The following DNAH7 variants were observed in gnomAD, a reference collection of about 807,000 sequenced individuals.
The protein encoded by DNAH7 is axonemal beta dynein heavy chain 7.
DNAH7 carries 397 observed loss-of-function variants against 444.6 expected under a neutral mutation model. The observed-to-expected ratio is 0.89, with a 90% CI of 0.82 to 0.97. DNAH7 has a LOEUF of 0.97. DNAH7 is among the 50% of genes least tolerant of loss of function. The pLI is 0.00. For missense variants in DNAH7, 4,902 were observed against 4,800.8 expected (o/e 1.02, Z -0.62); for synonymous variants, 1,636 against 1,624.4 (o/e 1.01, Z -0.17).
Position 195,873,667 on chromosome 2 carries a change from C to T in DNAH7, c.6314G>A (p.Arg2105Gln), listed in dbSNP as rs267599139. 8.5e-6 allele frequency: 13 copies of T among 1,530,426 alleles called. No homozygotes were observed. The highest frequency in any genetic ancestry group is 1.0e-5 in the Non-Finnish European group (12 of 1,146,248). 94.8% of individuals were successfully genotyped at this position (1,530,426 alleles called of 1,614,324 possible). ...TATAATATTGAAATGTCGCATGTAT[C>T]GAGGAGTTACTGGATTTCGACCACC... ...PGGGRNPVTP[R>Q]YMRHFNIITI... Residue 2105 changes from arginine (R) to glutamine (Q), a missense_variant, in exon 39 of 65, where the codon CGA becomes CAA. Coordinates refer to ENST00000312428, the MANE Select transcript of DNAH7 (RefSeq NM_018897.3).
intron 15 of DNAH7, among the ~76,000 whole-genome samples, chr2:195,984,231 C>A (rs775531887): frequency 3.9e-5 from 6 of 152,154 alleles, no homozygotes; most frequent in Non-Finnish European, 5.9e-5. Flanking sequence ...AGTGAGTGAC[C>A]CAACAGGGTG....
At chr2:195,889,032 A>T (rs756605436) in intron 31 of DNAH7, 51 bp from the exon 32 acceptor site, 4 of 1,473,700 alleles carry the variant, frequency 2.7e-6, no homozygotes, top group Non-Finnish European at 3.7e-6. Flanking sequence ...ATGATAATAT[A>T]AAGAAACAGT....
chr2:195,802,269 G>A (rs1418055630), intron 54 of DNAH7, among the ~76,000 whole-genome samples: 2 of 152,158 alleles, frequency 1.3e-5, no homozygotes, highest in Non-Finnish European at 2.9e-5. Context: ...CCAGCACTTT[G>A]GGAGGCTGAG....
chr2:195,826,245 A>G (rs1697739497), intron 48 of DNAH7, among the ~76,000 whole-genome samples: 1 of 152,216 alleles, frequency 6.6e-6, no homozygotes, highest in Non-Finnish European at 1.5e-5. Context: ...GAAAAGCTGT[A>G]GAGATTTCAG....
chr2:195,886,253 T>G lies in DNAH7; in HGVS notation c.5426A>C (p.Asp1809Ala). Residue 1809 changes from aspartate to alanine, a missense_variant, in exon 34 of 65, where the codon GAT (aspartate) becomes GCT (alanine). Transcript: ENST00000312428. Reference sequence around the variant, plus strand: ...CATTAAGGACCGGACCAAGTTTGTATCGGAAGTAGGAGATAATTCCTGAAA... The same window carrying G: ...CATTAAGGACCGGACCAAGTTTGTAGCGGAAGTAGGAGATAATTCCTGAAA... ...KHTKELSPTS[D>A]TNLVRSLMNL... is the part of the protein sequence containing the mutation. 1.2e-6 allele frequency: 2 copies of G among 1,612,508 alleles called. No individual in the cohort carries two copies.
chr2:195,869,724 G>C (rs553219222), intron 40 of DNAH7, among the ~76,000 whole-genome samples: 1 of 152,150 alleles, frequency 6.6e-6, no homozygotes, highest in African/African-American at 2.4e-5. Context: ...GGGGGATGAG[G>C]ATGAGAGCAG....
chr2:195,955,456 C>T (rs1227758485), intron 19 of DNAH7, among the ~76,000 whole-genome samples: 5 of 152,228 alleles, frequency 3.3e-5, no homozygotes, highest in African/African-American at 9.6e-5. Context: ...AGTCAGGTAG[C>T]ATGATGCCTC....
intron 54 of DNAH7, among the ~76,000 whole-genome samples, chr2:195,802,854 C>T (rs528509796): frequency 6.6e-6 from 1 of 152,234 alleles, no homozygotes; most frequent in South Asian, 2.1e-4. Flanking sequence ...TCCACCCTGC[C>T]ACACCCTTCA....
In DNAH7 at chr2:195,936,644, T is replaced by A. The variant is rs757326456; in HGVS notation, c.3227A>T (p.Asn1076Ile). ...AGATAGTATCTCAAGAAGTTCATCA[T>A]TGGACAAAAAAAAGAATCTGGGGAA... ...LFFPRFFFLS[N>I]DELLEILSET... is the part of the protein sequence containing the mutation. The change falls in exon 20 of 65, where the codon AAT becomes ATT. Residue 1076 changes from asparagine (N) to isoleucine (I), a missense_variant. Asn to Ile is a moderately radical substitution (Grantham distance 149). Transcript: ENST00000312428. 1.2e-6 allele frequency: 2 copies of A among 1,606,566 alleles called. No homozygotes were observed. Among genetic ancestry groups the A allele is most frequent in the Non-Finnish European group, 8.5e-7 (1 of 1,177,852 alleles).
At chr2:195,939,395 C>CAAA (rs1689270631) in intron 19 of DNAH7, among the ~76,000 whole-genome samples, 1 of 152,102 alleles carries the variant, frequency 6.6e-6, no homozygotes, top group Non-Finnish European at 1.5e-5. Context: ...GGTACAGAGT[C>CAAA]ACCATTCCAT....
rs541829869 is a variant in DNAH7 at position 195,855,749 on chromosome 2, G to A, written c.8595+62C>T. The stretch of plus-strand genomic sequence containing the variant: ...GGACTGGTGTGTTATGTGCTAGTAC[G>A]AACATCATTCTTAGTTACGATAACT... On this transcript the variant is annotated intron_variant, in intron 45 of 64. Coordinates refer to ENST00000312428, the MANE Select transcript of DNAH7 (RefSeq NM_018897.3). 6.4e-6 allele frequency: 10 copies of A among 1,570,898 alleles called. No homozygotes were observed. In the South Asian group the frequency reaches 7.0e-5, roughly 11 times the overall value.
chr2:196,035,291 T>C (rs1385014477), intron 5 of DNAH7, among the ~76,000 whole-genome samples: 3 of 152,122 alleles, frequency 2.0e-5, no homozygotes, highest in Non-Finnish European at 4.4e-5. Flanking sequence ...AAAAGGAAAA[T>C]TGATAAATTA....
intron 24 of DNAH7, among the ~76,000 whole-genome samples, chr2:195,912,162 G>A (rs1366664783): frequency 2.0e-5 from 3 of 152,140 alleles, no homozygotes; most frequent in African/African-American, 7.2e-5. Context: ...AGAATCATTG[G>A]TGTGTTGTGT....
chr2:195,974,185 A>G (rs1477576037), intron 15 of DNAH7, among the ~76,000 whole-genome samples: 22 of 152,240 alleles, frequency 1.4e-4, no homozygotes, highest in Admixed American at 1.3e-3. Flanking sequence ...GTTCATTGAT[A>G]TATTATTCTA....
chr2:195,790,256 G>A (rs1307969330), intron 57 of DNAH7, among the ~76,000 whole-genome samples: 3 of 151,904 alleles, frequency 2.0e-5, no homozygotes, highest in African/African-American at 7.3e-5. Flanking sequence ...ACACCCCAAA[G>A]CAATATACAC....
At chr2:196,005,306 A>AC (rs1559326868) in intron 10 of DNAH7, among the ~76,000 whole-genome samples, 7 of 150,600 alleles carry the variant, frequency 4.6e-5, no homozygotes, top group African/African-American at 1.5e-4. Context: ...AAACAAACAA[A>AC]AATATATATA....
At chr2:195,827,663 C>T (rs997665939) in intron 48 of DNAH7, among the ~76,000 whole-genome samples, 10 of 152,164 alleles carry the variant, frequency 6.6e-5, no homozygotes, top group Non-Finnish European at 1.3e-4. Context: ...TTCACTCTAG[C>T]CTCAACCTCC....
intron 57 of DNAH7, among the ~76,000 whole-genome samples, chr2:195,788,610 A>T (rs1389786587): frequency 6.6e-6 from 1 of 152,210 alleles, no homozygotes; most frequent in Non-Finnish European, 1.5e-5. Context: ...TTAACCACAG[A>T]GGTAGTTAAA....
rs749159139 is a variant in DNAH7 at position 195,891,736 on chromosome 2, C to G, written c.4965G>C (p.Leu1655=). The G allele has an allele frequency of 6.2e-7, 1 of 1,609,548 alleles. No individual in the cohort carries two copies. The highest frequency in any genetic ancestry group is 2.2e-5 in the East Asian group (1 of 44,722). The stretch of plus-strand genomic sequence containing the variant: ...GGGACACTGAATCAAACTGTCCGTA[C>G]AGTTGGCCCATGGTGACAGACTTAG... ...LNPKSVTMGQ[L]YGQFDSVSHE... is the part of the protein sequence containing the mutation. The change falls in exon 31 of 65, where the codon CTG becomes CTC. Residue 1655 remains leucine (L), a synonymous_variant. Coordinates refer to ENST00000312428, the MANE Select transcript of DNAH7 (RefSeq NM_018897.3).
Sources: gnomAD v4.1 joint callset for allele counts (sites outside exome capture counted in the v4.1 genomes callset) on GRCh38, gnomAD v4.1.1 for gene constraint, MANE v1.5 for transcripts, NCBI Gene and HGNC (gene_info 2026-07-23, HGNC 2026-07-21) for gene names.